The following ARHGEF28 variants were observed in gnomAD, a reference collection of about 807,000 sequenced individuals.
ARHGEF28 encodes Rho guanine nucleotide exchange factor 28.
ARHGEF28 carries 152 observed loss-of-function variants against 206.6 expected under a neutral mutation model. The observed-to-expected ratio is 0.74, with a 90% CI of 0.64 to 0.84. ARHGEF28 has a LOEUF of 0.84. Among genes scored for constraint, ARHGEF28 ranks in the 40% least tolerant of loss-of-function variants. ARHGEF28 has a pLI of 0.00. For synonymous variants in ARHGEF28, 763 were observed against 776.4 expected (o/e 0.98, Z 0.29); for missense variants, 2,028 against 2,073.2 (o/e 0.98, Z 0.42).
At chr5:73,879,699 C>A (rs913779228) in intron 22 of ARHGEF28, among the ~76,000 whole-genome samples, 1 of 152,184 alleles carries the variant, frequency 6.6e-6, no homozygotes, top group African/African-American at 2.4e-5. Flanking sequence ...ACTCCAGACC[C>A]TGTTTGCCTG....
chr5:73,845,420 G>A (rs564767292), intron 11 of ARHGEF28, among the ~76,000 whole-genome samples: 61 of 151,984 alleles, frequency 4.0e-4, no homozygotes, highest in Non-Finnish European at 6.5e-4. Flanking sequence ...GTCCTGGGGC[G>A]GATGGGTGGG....
At chr5:73,630,786 A>T (rs1195664341) in intron 1 of ARHGEF28, among the ~76,000 whole-genome samples, 1 of 152,192 alleles carries the variant, frequency 6.6e-6, no homozygotes, top group East Asian at 1.9e-4. Context: ...ATTTTTTAAC[A>T]TTCTACTCAG....
At chr5:73,802,870 C>CTCTGTGTGTGTGTGTGTG (rs780935234) in intron 9 of ARHGEF28, among the ~76,000 whole-genome samples, 3 of 122,172 alleles carry the variant, frequency 2.5e-5, no homozygotes, top group African/African-American at 9.5e-5. Context: ...AGCTCGATTG[C>CTCTGTGTGTGTGTGTGTG]TGTGTGTGTG....
intron 9 of ARHGEF28, among the ~76,000 whole-genome samples, chr5:73,797,666 G>A (rs565477000): frequency 7.5e-4 from 114 of 152,332 alleles, no homozygotes; most frequent in African/African-American, 2.6e-3. Context: ...TTACAGTCAT[G>A]AGGCACCACA....
chr5:73,882,203 A>G (rs979788932), intron 22 of ARHGEF28, among the ~76,000 whole-genome samples: 5 of 152,220 alleles, frequency 3.3e-5, no homozygotes, highest in Admixed American at 3.3e-4. Flanking sequence ...TAAGATGAGA[A>G]TAAAATAGAT....
chr5:73,741,383 GTGTATATATATATATA>G (rs1561370998), intron 2 of ARHGEF28, among the ~76,000 whole-genome samples: 18 of 18,314 alleles, frequency 9.8e-4, no homozygotes, highest in South Asian at 4.8e-3. Context: ...GTGTGTGTGT[GTGTATATATATATATA>G]TATATATATA....
intron 9 of ARHGEF28, among the ~76,000 whole-genome samples, chr5:73,831,382 C>G (rs1757292190): frequency 6.6e-6 from 1 of 152,224 alleles, no homozygotes; most frequent in African/African-American, 2.4e-5. Flanking sequence ...AACACAGTAA[C>G]AGCTTAACTC....
chr5:73,794,237 A>G (rs1754656583), intron 7 of ARHGEF28, 165 bp from the exon 8 acceptor site: 1 of 550,128 alleles, frequency 1.8e-6, no homozygotes. Context: ...TCGGGTTATT[A>G]GACACTCTGC....
rs537125111 is a variant in ARHGEF28 at position 73,813,758 on chromosome 5, T to C, written c.1024+18367T>C. The stretch of plus-strand genomic sequence containing the variant: ...TTCCGTGTTTCTTTGCCAGACTGTT[T>C]TTCCAATGTAGCGCGTGTTTATACG... On this transcript the variant is annotated intron_variant, in intron 9 of 35. Coordinates refer to ENST00000513042, the MANE Select transcript of ARHGEF28 (RefSeq NM_001177693.2). The C allele has an allele frequency of 2.3e-5, 33 of 1,434,760 alleles. No homozygotes were observed. The African/African-American group carries it at 4.5e-4, about 20-fold the overall frequency. The allele number at this position is 1,434,760 out of a possible 1,614,324, so 88.9% of individuals were successfully genotyped here. A position where few individuals can be genotyped will look rare whatever the true frequency, so the allele number is the denominator to read the frequency against.
intron 7 of ARHGEF28, among the ~76,000 whole-genome samples, chr5:73,788,125 G>GAA (rs111338464): frequency 6.6e-6 from 1 of 151,666 alleles, no homozygotes; most frequent in African/African-American, 2.4e-5. Flanking sequence ...AGCCTAGAGA[G>GAA]AAAAAAAAGT....
intron 2 of ARHGEF28, among the ~76,000 whole-genome samples, chr5:73,695,248 G>T (rs115965729): frequency 6.6e-6 from 1 of 152,188 alleles, no homozygotes; most frequent in South Asian, 2.1e-4. Flanking sequence ...TTTAAAAAGT[G>T]TACTTTCAAT....
At chr5:73,675,116 G>A (rs114651513) in intron 1 of ARHGEF28, among the ~76,000 whole-genome samples, 5,428 of 152,246 alleles carry the variant, frequency 0.036, 359 homozygotes, top group African/African-American at 0.12. Flanking sequence ...ATTGGCATCA[G>A]AAATGTGGGA....
chr5:73,639,243 A>G (rs575616077), intron 1 of ARHGEF28, among the ~76,000 whole-genome samples: 1 of 147,866 alleles, frequency 6.8e-6, no homozygotes, highest in South Asian at 2.1e-4. Context: ...ATATATATAT[A>G]TAATATATAT....
intron 33 of ARHGEF28, 30 bp from the exon 34 acceptor site, chr5:73,909,382 C>T: frequency 6.4e-7 from 1 of 1,564,988 alleles, no homozygotes; most frequent in Non-Finnish European, 8.7e-7. Context: ...ACCTTGTGTT[C>T]AGTGATTTTT....
intron 2 of ARHGEF28, among the ~76,000 whole-genome samples, chr5:73,709,165 A>C (rs1353453092): frequency 6.6e-6 from 1 of 152,052 alleles, no homozygotes; most frequent in Non-Finnish European, 1.5e-5. Context: ...TCTATGTTCC[A>C]CTCTGGATTC....
At chr5:73,656,387 G>A (rs1207127341) in intron 1 of ARHGEF28, among the ~76,000 whole-genome samples, 7 of 152,324 alleles carry the variant, frequency 4.6e-5, no homozygotes, top group South Asian at 2.1e-4. Flanking sequence ...TGTACCATCT[G>A]TGTCATTCCC....
chr5:73,639,928 G>C (rs1743962026), intron 1 of ARHGEF28, among the ~76,000 whole-genome samples: 1 of 152,198 alleles, frequency 6.6e-6, no homozygotes, highest in Non-Finnish European at 1.5e-5. Flanking sequence ...AAATCAATCA[G>C]TGGCTTTATA....
At chr5:73,678,053 G>T (rs1250258679) in intron 1 of ARHGEF28, among the ~76,000 whole-genome samples, 1 of 152,210 alleles carries the variant, frequency 6.6e-6, no homozygotes, top group Non-Finnish European at 1.5e-5. Context: ...GCACAGCATG[G>T]TTTAGCCATG....
intron 2 of ARHGEF28, among the ~76,000 whole-genome samples, chr5:73,714,755 A>G (rs1317281668): frequency 6.6e-6 from 1 of 152,160 alleles, no homozygotes; most frequent in African/African-American, 2.4e-5. Flanking sequence ...TGTCACCATC[A>G]CCCAGAGCAA....
Sources: allele counts gnomAD v4.1 joint callset (sites outside exome capture counted in the v4.1 genomes callset), GRCh38; gene constraint gnomAD v4.1.1; transcripts MANE v1.5; gene names NCBI Gene and HGNC (gene_info 2026-07-23, HGNC 2026-07-21).